Variants in COMMD5 observed in about 807,000 individuals in gnomAD.
COMMD5 encodes the protein COMM domain-containing protein 5.
Under a neutral mutation model 6.9 loss-of-function variants are expected in COMMD5, and 10 were observed. That is an observed-to-expected ratio of 1.44 (90% CI 0.89 to 2.45). The LOEUF is 2.45. COMMD5 is among the 30% of genes most tolerant of loss of function. The pLI is 0.00. For missense variants in COMMD5, 234 were observed against 287.8 expected (o/e 0.81, Z 1.35); for synonymous variants, 127 against 125.3 (o/e 1.01, Z -0.09).
downstream of COMMD5, among the ~76,000 whole-genome samples, chr8:144,849,346 C>A (rs1395140069): frequency 1.3e-5 from 2 of 152,178 alleles, no homozygotes; most frequent in Non-Finnish European, 2.9e-5. Context: ...CACAAGCATG[C>A]ACCTTAGAGG....
At chr8:144,842,178 T>G (rs768695739) in intron 1 of COMMD5, 2 of 1,614,000 alleles carry the variant, frequency 1.2e-6, no homozygotes, top group South Asian at 2.2e-5. Flanking sequence ...GAACTCACAC[T>G]GGGGAGAGGC....
Position 144,850,355 on chromosome 8 carries a change from C to T in COMMD5, c.*309G>A, listed in dbSNP as rs146237463. 178 of 305,756 alleles carry T rather than the reference C, an allele frequency of 5.8e-4. 1 individual carries two copies. The highest frequency in any genetic ancestry group is 3.3e-3 in the African/African-American group (157 of 47,430). The allele number at this position is 305,756 out of a possible 1,614,324, so 18.9% of individuals were successfully genotyped here. A position where few individuals can be genotyped will look rare whatever the true frequency, so the allele number is the denominator to read the frequency against. ...AGGCTGAGCAACTGTATGTTGTCTA[C>T]AAAGGGCCTCAACCTGGCCTCACAT... On this transcript the variant is annotated 3_prime_UTR_variant, in exon 2 of 2. Coordinates refer to ENST00000305103, the MANE Select transcript of COMMD5 (RefSeq NM_014066.4). This position sits in a 1 kb window ranked among gnomAD's most constrained non-coding sequence, Gnocchi z 4.0.
In COMMD5 at chr8:144,850,757, T is replaced by C. The variant is rs775655563; in HGVS notation, c.582A>G (p.Thr194=). 2.5e-6 allele frequency: 4 copies of C among 1,614,154 alleles called. No homozygotes were observed. The part of the protein sequence containing the change: ...DGSAYRFEVP[T]AKFQELRYSV... Reference sequence around the variant, plus strand: ...TGTACCGCAGCTCCTGGAACTTGGCTGTGGGGACCTCAAAGCGGTATGCTG... The same window carrying C: ...TGTACCGCAGCTCCTGGAACTTGGCCGTGGGGACCTCAAAGCGGTATGCTG... The change falls in exon 2 of 2, where the codon ACA becomes ACG. Residue 194 remains threonine, a synonymous_variant. Transcript: ENST00000305103. This position sits in a 1 kb window ranked among gnomAD's most constrained non-coding sequence, Gnocchi z 4.0.
In COMMD5 at chr8:144,842,879, G is replaced by C. The variant is rs368859595; in HGVS notation, c.*117-1136C>G. The C allele has an allele frequency of 1.7e-5, 28 of 1,614,222 alleles. No homozygotes were observed. The highest frequency in any genetic ancestry group is 6.7e-5 in the Admixed American group (4 of 60,026). On this transcript the variant is annotated intron_variant and NMD_transcript_variant, in intron 1 of 1. Transcript: ENST00000530332. ...TGCAGTGAGTGTGGAAAAGCCTTCA[G>C]CCGGAGCTCATATCTTATTGAACAC...
downstream of COMMD5, chr8:144,838,303 T>C: frequency 1.7e-6 from 1 of 586,754 alleles, no homozygotes; most frequent in South Asian, 2.1e-5. Context: ...GCAACGACTG[T>C]GTTTCCAAAC....
At chr8:144,838,491 G>A (rs181319179), downstream of COMMD5, 317 of 243,632 alleles carry the variant, frequency 1.3e-3, no homozygotes, top group Middle Eastern at 2.6e-3. Context: ...ATGGGTCTGC[G>A]TGCATCTCAG....
intron 1 of COMMD5, 141 bp from the exon 2 acceptor site, chr8:144,851,536 A>G (rs1053231122): frequency 1.5e-6 from 1 of 645,210 alleles, no homozygotes; most frequent in Non-Finnish European, 2.6e-6. Context: ...TGGCCCTGGA[A>G]GCAGGTGGCA....
At chr8:144,846,987 C>G (rs756436007), downstream of COMMD5, 4 of 152,274 alleles carry the variant, frequency 2.6e-5, no homozygotes, top group African/African-American at 4.8e-5. Flanking sequence ...CGTGAGCCAC[C>G]ATGCCGAGCT....
At chr8:144,846,360 G>T (rs954924691), downstream of COMMD5, 1 of 601,008 alleles carries the variant, frequency 1.7e-6, no homozygotes, top group Non-Finnish European at 2.9e-6. Flanking sequence ...AATGGTTGGG[G>T]AGAAAATAAG....
At chr8:144,851,475 C>T (rs925395813) in intron 1 of COMMD5, 80 bp from the exon 2 acceptor site, 8 of 921,318 alleles carry the variant, frequency 8.7e-6, no homozygotes, top group African/African-American at 1.7e-5. Flanking sequence ...TGGTCCCCAT[C>T]ATCAGCATGC....
Position 144,850,499 on chromosome 8 carries a change from C to T in COMMD5, c.*165G>A, listed in dbSNP as rs1830684704. On this transcript the variant is annotated 3_prime_UTR_variant, in exon 2 of 2. Transcript: ENST00000305103. The surrounding 1 kb of genome is among the most constrained non-coding windows in gnomAD (Gnocchi z 4.0). ...TCCAAAAAGAAAAAAAGGCATAGCT[C>T]TCTTTTTCAATTAAACAGAAAACTA... The T allele has an allele frequency of 1.3e-6, 1 of 786,234 alleles. No individual in the cohort carries two copies. 48.7% of individuals were successfully genotyped at this position (786,234 alleles called of 1,614,324 possible).
chr8:144,844,789 C>T (rs1410120612), intron 1 of COMMD5, among the ~76,000 whole-genome samples: 1 of 148,770 alleles, frequency 6.7e-6, no homozygotes, highest in Non-Finnish European at 1.5e-5. Context: ...GGAGAAGAAC[C>T]TGAGAAGGGG....
intron 1 of COMMD5, chr8:144,841,984 C>G (rs750642142): frequency 1.2e-6 from 2 of 1,614,188 alleles, no homozygotes; most frequent in Non-Finnish European, 8.5e-7. Context: ...GAGCTCAAAA[C>G]TTATTCAGCA....
At chr8:144,837,995 T>C (rs754134722), downstream of COMMD5, 3 of 684,672 alleles carry the variant, frequency 4.4e-6, no homozygotes, top group Non-Finnish European at 8.0e-6. Flanking sequence ...AACAGAAATT[T>C]ATTGTCTCAC....
exon 2 of COMMD5, chr8:144,841,257 C>A: frequency 7.8e-7 from 1 of 1,283,058 alleles, no homozygotes; most frequent in Non-Finnish European, 1.1e-6. Context: ...CTCAGTGCAA[C>A]TATCCTGGGA....
chr8:144,848,494 G>C (rs1296656489), downstream of COMMD5, among the ~76,000 whole-genome samples: 1 of 128,944 alleles, frequency 7.8e-6, no homozygotes, highest in Non-Finnish European at 1.7e-5. Context: ...TGAAACTCCC[G>C]TCTCAAAAAA....
downstream of COMMD5, among the ~76,000 whole-genome samples, chr8:144,839,254 C>T (rs1014593258): frequency 1.3e-5 from 2 of 152,226 alleles, no homozygotes; most frequent in Non-Finnish European, 2.9e-5. Flanking sequence ...TAGGCAGCTT[C>T]AAAGGACAAG....
downstream of COMMD5, among the ~76,000 whole-genome samples, chr8:144,839,171 G>T (rs1485107514): frequency 2.8e-5 from 4 of 141,288 alleles, no homozygotes; most frequent in African/African-American, 7.9e-5. Flanking sequence ...ATTCATATGC[G>T]CCTAGGGGCT....
At chr8:144,843,305 T>A in intron 1 of COMMD5, 3 of 1,135,470 alleles carry the variant, frequency 2.6e-6, no homozygotes, top group African/African-American at 3.1e-5. Flanking sequence ...ATATCCAACT[T>A]CAGGCCGAGT....
Sources: gnomAD v4.1 joint callset for allele counts (sites outside exome capture counted in the v4.1 genomes callset) on GRCh38, gnomAD v4.1.1 for gene constraint, Gnocchi (gnomAD v3.1) non-coding constraint, MANE v1.5 for transcripts, NCBI Gene and HGNC (gene_info 2026-07-23, HGNC 2026-07-21) for gene names.